The following SPAG16 variants were observed in gnomAD, a reference collection of about 807,000 sequenced individuals.
SPAG16 encodes the protein sperm associated antigen 16.
A neutral mutation model predicts 80.4 loss-of-function variants in SPAG16; 86 were observed. That is an observed-to-expected ratio of 1.07 (90% confidence interval 0.90 to 1.28). The LOEUF (loss-of-function observed/expected upper bound fraction) is 1.28, where lower values mean the gene tolerates loss of function less well. SPAG16 is among the 50% of genes most tolerant of loss of function. The pLI is 0.00. For missense variants in SPAG16, 870 were observed against 765.3 expected, an observed-to-expected ratio of 1.14 and a Z score of -1.61; for synonymous variants, 294 against 265.9, an observed-to-expected ratio of 1.11 and a Z score of -1.03.
In SPAG16 at chr2:214,242,901, T is replaced by A. The variant is rs544327966; in HGVS notation, c.1720+93635T>A. ...CTGCAGCCCTACATCGATTGTTTTA[T>A]CCTGTTGATAAAATAAAAATTTACC... On this transcript the variant is annotated intron_variant, in intron 15 of 15. Transcript: ENST00000331683. Among the ~76,000 whole-genome samples the A allele has an allele frequency of 4.6e-5, 7 of 152,258 alleles. No individual in the cohort carries two copies. In the South Asian group the frequency reaches 1.2e-3, roughly 27 times the overall value.
At chr2:213,335,636 TTATC>T (rs777508478) in intron 5 of SPAG16, among the ~76,000 whole-genome samples, 6 of 152,196 alleles carry the variant, frequency 3.9e-5, no homozygotes, top group Non-Finnish European at 5.9e-5. Context: ...AATAAATTGT[TTATC>T]TAATCATTCA....
At chr2:214,095,628 G>T (rs2125336626) in intron 13 of SPAG16, among the ~76,000 whole-genome samples, 1 of 152,044 alleles carries the variant, frequency 6.6e-6, no homozygotes, top group South Asian at 2.1e-4. Flanking sequence ...TTTTACCAAT[G>T]ATCTTAAAAA....
At chr2:214,053,979 T>C (rs1184247040) in intron 13 of SPAG16, among the ~76,000 whole-genome samples, 1 of 152,150 alleles carries the variant, frequency 6.6e-6, no homozygotes, top group African/African-American at 2.4e-5. Flanking sequence ...TGAAATAACT[T>C]TCTCACTCAC....
intron 15 of SPAG16, among the ~76,000 whole-genome samples, chr2:214,221,370 T>A (rs972454632): frequency 3.3e-5 from 5 of 152,160 alleles, no homozygotes; most frequent in African/African-American, 9.6e-5. Flanking sequence ...CATTCTTTTC[T>A]CATGCTTGCC....
At chr2:213,746,406 A>G (rs1277329687) in intron 10 of SPAG16, among the ~76,000 whole-genome samples, 1 of 152,208 alleles carries the variant, frequency 6.6e-6, no homozygotes. Flanking sequence ...AAAAATTCCT[A>G]TCACCTAGTG....
At chr2:213,585,010 G>A (rs370137395) in intron 10 of SPAG16, among the ~76,000 whole-genome samples, 14 of 151,100 alleles carry the variant, frequency 9.3e-5, no homozygotes, top group Admixed American at 2.0e-4. Context: ...CCAACATGGC[G>A]AAACCCCATC....
intron 10 of SPAG16, among the ~76,000 whole-genome samples, chr2:213,771,625 TTA>T (rs2069254775): frequency 6.6e-6 from 1 of 152,206 alleles, no homozygotes; most frequent in Middle Eastern, 3.2e-3. Flanking sequence ...GAATTAATTT[TTA>T]TGTGTGGTGT....
At position 214,315,570 on chromosome 2, in the gene SPAG16, C is replaced by T. The variant is rs548881352; in HGVS notation, c.1721-94570C>T. On this transcript the variant is annotated intron_variant, in intron 15 of 15. Transcript: ENST00000331683. ...ATTTTGAAACAAGGTCTTGCTCTGT[C>T]ACTCAAGCTGGAGTGCAGTGGCACA... Among the ~76,000 whole-genome samples the T allele has an allele frequency of 3.3e-5, 5 of 152,060 alleles. No individual in the cohort carries two copies. The South Asian group carries it at 1.0e-3, about 32-fold the overall frequency.
At chr2:213,532,074 A>G (rs1403926388) in intron 10 of SPAG16, among the ~76,000 whole-genome samples, 1 of 152,086 alleles carries the variant, frequency 6.6e-6, no homozygotes, top group East Asian at 1.9e-4. Context: ...TATTTGAAAA[A>G]CTCATATCCA....
chr2:214,166,642 A>G lies in SPAG16; in HGVS notation c.1720+17376A>G, dbSNP rs369381710. 1.6e-4 allele frequency among the ~76,000 whole-genome samples: 25 copies of G among 152,270 alleles called. 1 individual carries two copies. In the East Asian group the frequency reaches 4.4e-3, roughly 27 times the overall value. ...TGGTAAATATTTAGTCCCTTCATTAATAAGTCTCTTTAAAACTTCCCTCTG... is the reference window on the plus strand; with the variant it reads ...TGGTAAATATTTAGTCCCTTCATTAGTAAGTCTCTTTAAAACTTCCCTCTG... On this transcript the variant is annotated intron_variant, in intron 15 of 15. Coordinates refer to ENST00000331683, the MANE Select transcript of SPAG16 (RefSeq NM_024532.5).
chr2:213,859,906 T>C (rs1315651234), intron 10 of SPAG16, among the ~76,000 whole-genome samples: 1 of 152,222 alleles, frequency 6.6e-6, no homozygotes, highest in Non-Finnish European at 1.5e-5. Flanking sequence ...CTTTTGAGCT[T>C]TCATTTCACT....
intron 10 of SPAG16, among the ~76,000 whole-genome samples, chr2:213,790,847 T>C (rs540621023): frequency 3.9e-5 from 6 of 152,216 alleles, no homozygotes; most frequent in African/African-American, 1.4e-4. Flanking sequence ...CACATCAAGA[T>C]GTCTGAAATA....
intron 15 of SPAG16, among the ~76,000 whole-genome samples, chr2:214,194,351 C>G (rs182512401): frequency 2.6e-5 from 4 of 152,168 alleles, no homozygotes; most frequent in African/African-American, 7.2e-5. Flanking sequence ...ACTGTATCCT[C>G]TTCCTCATAC....
chr2:213,947,634 A>C (rs1406136540), intron 12 of SPAG16, among the ~76,000 whole-genome samples: 1 of 152,114 alleles, frequency 6.6e-6, no homozygotes, highest in Non-Finnish European at 1.5e-5. Context: ...TTGGCTTACA[A>C]ATTTCTAATT....
At chr2:214,070,628 T>C (rs147810170) in intron 13 of SPAG16, among the ~76,000 whole-genome samples, 2 of 152,202 alleles carry the variant, frequency 1.3e-5, no homozygotes, top group Non-Finnish European at 2.9e-5. Flanking sequence ...TTGTTTTTTG[T>C]CTTTTTAGCA....
At chr2:213,544,289 C>A (rs181990117) in intron 10 of SPAG16, among the ~76,000 whole-genome samples, 175 of 152,086 alleles carry the variant, frequency 1.2e-3, no homozygotes, top group African/African-American at 4.0e-3. Context: ...AATATTCCTG[C>A]TTATATTCTG....
chr2:214,229,461 GTATAT>G (rs746951039), intron 15 of SPAG16, among the ~76,000 whole-genome samples: 5 of 151,436 alleles, frequency 3.3e-5, no homozygotes, highest in Non-Finnish European at 7.4e-5. Flanking sequence ...GCTATTGTCT[GTATAT>G]TATATTTATA....
At chr2:213,506,725 A>C (rs935416538) in intron 10 of SPAG16, among the ~76,000 whole-genome samples, 2 of 152,236 alleles carry the variant, frequency 1.3e-5, no homozygotes, top group African/African-American at 2.4e-5. Context: ...AAATGCAACA[A>C]AATTTGATTT....
chr2:213,637,833 G>A (rs1170644955), intron 10 of SPAG16, among the ~76,000 whole-genome samples: 4 of 152,018 alleles, frequency 2.6e-5, no homozygotes. Context: ...CTCGGCTCAC[G>A]GCAAGCTCTG....
Sources: allele counts gnomAD v4.1 joint callset (sites outside exome capture counted in the v4.1 genomes callset), GRCh38; gene constraint gnomAD v4.1.1; transcripts MANE v1.5; gene names NCBI Gene and HGNC (gene_info 2026-07-23, HGNC 2026-07-21).